The following TYW1 variants were observed in gnomAD, a reference collection of about 807,000 sequenced individuals.
The protein encoded by TYW1 is S-adenosyl-L-methionine-dependent tRNA 4-demethylwyosine synthase TYW1.
Under a neutral mutation model 96.2 loss-of-function variants are expected in TYW1, and 46 were observed. That is an observed-to-expected ratio of 0.48 (90% CI 0.38 to 0.61). TYW1 has a LOEUF of 0.61. Among genes scored for constraint, TYW1 ranks in the 20% least tolerant of loss-of-function variants. The pLI is 0.00. For missense variants in TYW1, 684 were observed against 909.6 expected (o/e 0.75, Z 3.19); for synonymous variants, 274 against 323.0 (o/e 0.85, Z 1.63).
chr7:67,008,098 G>A (rs1196529444), intron 3 of TYW1, among the ~76,000 whole-genome samples: 1 of 152,080 alleles, frequency 6.6e-6, no homozygotes, highest in African/African-American at 2.4e-5. Flanking sequence ...CAGACCTCAG[G>A]AAGTTGCTTG....
intron 7 of TYW1, among the ~76,000 whole-genome samples, chr7:67,027,140 C>T (rs1216707932): frequency 6.6e-6 from 1 of 151,250 alleles, no homozygotes; most frequent in Non-Finnish European, 1.5e-5. Flanking sequence ...TTTGAGGCTG[C>T]AGTGAGCTGT....
chr7:67,153,598 G>A (rs1322026380), intron 13 of TYW1, among the ~76,000 whole-genome samples: 1 of 152,098 alleles, frequency 6.6e-6, no homozygotes, highest in Admixed American at 6.5e-5. Context: ...TATCAAATTT[G>A]CTCTCATAAA....
At chr7:67,180,675 C>T (rs1321297889) in intron 13 of TYW1, among the ~76,000 whole-genome samples, 1 of 140,708 alleles carries the variant, frequency 7.1e-6, no homozygotes, top group Non-Finnish European at 1.5e-5. Context: ...CAGAGTCTCA[C>T]TCTGTTGCCC....
At chr7:67,182,856 G>C (rs1443646567) in intron 13 of TYW1, among the ~76,000 whole-genome samples, 1 of 151,902 alleles carries the variant, frequency 6.6e-6, no homozygotes, top group African/African-American at 2.4e-5. Flanking sequence ...TCTGTGTCAA[G>C]AAACCTCTGG....
At chr7:67,027,526 A>G (rs1374629578) in intron 7 of TYW1, among the ~76,000 whole-genome samples, 1 of 152,218 alleles carries the variant, frequency 6.6e-6, no homozygotes, top group Non-Finnish European at 1.5e-5. Context: ...ATGACTTTAA[A>G]GTGTTTTACA....
chr7:67,226,816 C>T (rs1584719520), intron 15 of TYW1, among the ~76,000 whole-genome samples: 1 of 152,114 alleles, frequency 6.6e-6, no homozygotes, highest in East Asian at 1.9e-4. Flanking sequence ...AATCACTTCT[C>T]CCTCAGACGA....
chr7:67,021,208 GAGCTATTGAAGTGC>G (rs1184403538), intron 6 of TYW1, among the ~76,000 whole-genome samples: 1 of 152,276 alleles, frequency 6.6e-6, no homozygotes, highest in Non-Finnish European at 1.5e-5. Context: ...CCAGTTGAGT[GAGCTATTGAAGTGC>G]AGGTCTGTGT....
chr7:67,029,413 G>GTATATACATATATATATATATATATA (rs1430069945), intron 7 of TYW1, among the ~76,000 whole-genome samples: 1 of 93,456 alleles, frequency 1.1e-5, no homozygotes, highest in African/African-American at 3.8e-5. Flanking sequence ...GTGTGTGTGT[G>GTATATACATATATATATATATATATA]TGTATATATA....
intron 11 of TYW1, among the ~76,000 whole-genome samples, chr7:67,095,179 A>C (rs541209565): frequency 2.2e-4 from 33 of 152,042 alleles, no homozygotes; most frequent in African/African-American, 7.5e-4. Flanking sequence ...TTGTAGTTTT[A>C]GTAGAGATGA....
At chr7:67,138,722 A>G (rs1317600857) in intron 13 of TYW1, among the ~76,000 whole-genome samples, 1 of 152,198 alleles carries the variant, frequency 6.6e-6, no homozygotes, top group Non-Finnish European at 1.5e-5. Context: ...AAGTGAGAAC[A>G]TGCGATGTTT....
chr7:67,207,669 A>AATTTT (rs1800849703), intron 15 of TYW1, among the ~76,000 whole-genome samples: 1 of 129,290 alleles, frequency 7.7e-6, no homozygotes, highest in African/African-American at 3.0e-5. Flanking sequence ...CTACTTCACA[A>AATTTT]ATTTTGTTTG....
intron 14 of TYW1, among the ~76,000 whole-genome samples, chr7:67,184,653 G>T (rs201751192): frequency 1.1e-3 from 36 of 31,380 alleles, no homozygotes; most frequent in African/African-American, 5.0e-3. Context: ...TTTTATTTAT[G>T]TTATGTTATG....
chr7:67,211,052 A>G (rs1259537584), intron 15 of TYW1, among the ~76,000 whole-genome samples: 1 of 151,288 alleles, frequency 6.6e-6, no homozygotes, highest in African/African-American at 2.4e-5. Context: ...ATAATCCAGT[A>G]CTACCTTATT....
chr7:67,134,425 T>TC (rs67484004), intron 13 of TYW1, among the ~76,000 whole-genome samples: 41,930 of 151,534 alleles, frequency 0.28, 6,630 homozygotes, highest in African/African-American at 0.44. Context: ...CGCCTGTAAT[T>TC]CAGCTACTCA....
At chr7:67,147,377 C>G (rs1055165516) in intron 13 of TYW1, among the ~76,000 whole-genome samples, 6 of 152,030 alleles carry the variant, frequency 3.9e-5, no homozygotes, top group African/African-American at 1.2e-4. Flanking sequence ...TCCATTCCCC[C>G]ACAGATCATA....
intron 15 of TYW1, among the ~76,000 whole-genome samples, chr7:67,230,842 G>T (rs1034039046): frequency 2.0e-5 from 3 of 151,794 alleles, no homozygotes; most frequent in Non-Finnish European, 4.4e-5. Context: ...GTTTCACCTT[G>T]TTGGCCAGGC....
intron 15 of TYW1, among the ~76,000 whole-genome samples, chr7:67,197,271 G>A (rs1800425052): frequency 6.6e-6 from 1 of 151,018 alleles, no homozygotes; most frequent in African/African-American, 2.4e-5. Flanking sequence ...ACTGCCAAGT[G>A]TATTTTTAAA....
At chr7:67,002,856 CTTTTTT>C (rs547425705) in intron 3 of TYW1, among the ~76,000 whole-genome samples, 3 of 110,888 alleles carry the variant, frequency 2.7e-5, no homozygotes, top group East Asian at 2.3e-4. Flanking sequence ...TTTCTTTTTT[CTTTTTT>C]TTTTTTTTTG....
At chr7:67,210,913 T>C (rs796406808) in intron 15 of TYW1, among the ~76,000 whole-genome samples, 30,647 of 135,384 alleles carry the variant, frequency 0.23, 3,857 homozygotes, top group African/African-American at 0.31. Context: ...TCCATCCATC[T>C]ATCCAACCAT....
Sources: gnomAD v4.1 joint callset for allele counts (sites outside exome capture counted in the v4.1 genomes callset) on GRCh38, gnomAD v4.1.1 for gene constraint, MANE v1.5 for transcripts, NCBI Gene and HGNC (gene_info 2026-07-23, HGNC 2026-07-21) for gene names.